DHX35: variants seen among roughly 807,000 people sequenced by gnomAD.
DHX35 encodes probable ATP-dependent RNA helicase DHX35.
A neutral mutation model predicts 99.6 loss-of-function variants in DHX35; 84 were observed. That is an observed-to-expected ratio of 0.84 (90% CI 0.71 to 1.01). The LOEUF (loss-of-function observed/expected upper bound fraction) is 1.01, where lower values mean the gene tolerates loss of function less well. Among genes scored for constraint, DHX35 ranks in the 50% least tolerant of loss-of-function variants. The pLI is 0.00. For synonymous variants in DHX35, 331 were observed against 316.2 expected (o/e 1.05, Z -0.50); for missense variants, 852 against 888.5 (o/e 0.96, Z 0.52).
chr20:39,009,193 C>T (rs2086662487), intron 12 of DHX35, among the ~76,000 whole-genome samples: 1 of 152,154 alleles, frequency 6.6e-6, no homozygotes, highest in Admixed American at 6.5e-5. Flanking sequence ...TAGTAGTGTG[C>T]TTGGAAAATG....
chr20:39,014,802 T>C (rs1395308187), intron 13 of DHX35, 78 bp from the exon 14 acceptor site: 5 of 1,565,270 alleles, frequency 3.2e-6, no homozygotes, highest in Non-Finnish European at 3.5e-6. Context: ...GGAGAATGGA[T>C]TTGAAAAGGA....
chr20:38,992,449 C>T (rs1330423156), intron 7 of DHX35, 24 bp downstream of exon 7: 2 of 1,611,054 alleles, frequency 1.2e-6, no homozygotes, highest in South Asian at 1.1e-5. Flanking sequence ...GCCAGCTTTT[C>T]ATTGTGTGTG....
At chr20:38,971,014 C>A (rs2085987713) in intron 2 of DHX35, among the ~76,000 whole-genome samples, 1 of 152,162 alleles carries the variant, frequency 6.6e-6, no homozygotes, top group Admixed American at 6.5e-5. Context: ...ACCTCTACGC[C>A]ATCCTTTTTC....
chr20:38,969,116 A>C lies in DHX35; in HGVS notation c.76A>C (p.Arg26=). ...GCCAGGTGTAAGCATCTCTGAAGAGAGACAAAGTCTGGCTGAAAACTCTGG... is the reference window on the plus strand; with the variant it reads ...GCCAGGTGTAAGCATCTCTGAAGAGCGACAAAGTCTGGCTGAAAACTCTGG... The part of the protein sequence containing the change: ...EGPGVSISEE[R]QSLAENSGTT... Residue 26 remains arginine (R), a synonymous_variant, in exon 2 of 22, where the codon AGA becomes CGA. Transcript: ENST00000252011. The C allele has an allele frequency of 6.2e-7, 1 of 1,613,632 alleles. No individual in the cohort carries two copies. The highest frequency in any genetic ancestry group is 8.5e-7 in the Non-Finnish European group (1 of 1,179,600).
intron 3 of DHX35, chr20:38,978,117 C>G: frequency 1.3e-6 from 1 of 773,792 alleles, no homozygotes. Context: ...AGCCACACTT[C>G]AACTGTAAGA....
chr20:39,013,627 C>T (rs1414036170), intron 13 of DHX35, among the ~76,000 whole-genome samples: 2 of 152,140 alleles, frequency 1.3e-5, no homozygotes, highest in African/African-American at 4.8e-5. Context: ...ACCTTGTTAG[C>T]TTTTTCTGTA....
chr20:39,038,432 G>C (rs1400590924), intron 21 of DHX35, 67 bp from the exon 22 acceptor site: 2 of 1,535,268 alleles, frequency 1.3e-6, no homozygotes, highest in Admixed American at 3.4e-5. Context: ...TTCATATGGG[G>C]ATTATGTTGC....
intron 20 of DHX35, 93 bp downstream of exon 20, chr20:39,030,868 A>G: frequency 7.0e-7 from 1 of 1,419,996 alleles, no homozygotes; most frequent in South Asian, 1.2e-5. Context: ...TCGCCTCTAG[A>G]ATTGCTGCTC....
intron 3 of DHX35, among the ~76,000 whole-genome samples, chr20:38,976,108 A>G (rs1005807086): frequency 5.3e-5 from 8 of 149,880 alleles, no homozygotes; most frequent in South Asian, 2.1e-4. Flanking sequence ...AGGCTGGGTA[A>G]TGTGGGCAAA....
At chr20:39,000,028 G>C (rs1458731066) in intron 8 of DHX35, among the ~76,000 whole-genome samples, 1 of 152,202 alleles carries the variant, frequency 6.6e-6, no homozygotes, top group African/African-American at 2.4e-5. Flanking sequence ...TTTTGCAGAT[G>C]AGAGAGCTGA....
At chr20:39,032,021 AAGTTT>A (rs1332555976) in intron 20 of DHX35, among the ~76,000 whole-genome samples, 1 of 152,218 alleles carries the variant, frequency 6.6e-6, no homozygotes, top group African/African-American at 2.4e-5. Flanking sequence ...TTCAATGGTT[AAGTTT>A]ATGTTTGTCC....
chr20:38,988,895 A>T lies in DHX35; in HGVS notation c.428A>T (p.Asp143Val). The T allele has an allele frequency of 6.2e-7, 1 of 1,613,424 alleles. No individual in the cohort carries two copies. The highest frequency in any genetic ancestry group is 8.5e-7 in the Non-Finnish European group (1 of 1,179,526). ...GYCIRFDDCT[D>V]QLATRIKFLT... is the part of the protein sequence containing the mutation. The stretch of plus-strand genomic sequence containing the variant: ...TGCATCCGCTTTGATGACTGCACCG[A>T]CCAGCTGGCCACGAGAATTAAGGTA... The change falls in exon 5 of 22, where the codon GAC (aspartate) becomes GTC (valine). Residue 143 changes from aspartate (D) to valine (V), a missense_variant. Transcript: ENST00000252011.
At position 39,006,236 on chromosome 20, in the gene DHX35, T is replaced by C. The variant is rs141857348; in HGVS notation, c.1102T>C (p.Tyr368His). The C allele has an allele frequency of 1.5e-4, 248 of 1,614,046 alleles. No homozygotes were observed. Among genetic ancestry groups the C allele is most frequent in the Non-Finnish European group, 1.8e-4 (217 of 1,180,024 alleles). ...CTGTGGCTTTGTGAAACTCCGAGCC[T>C]ACAATCCCAGGACAGCTATTGAATG... is the stretch of plus-strand genomic sequence containing the variant. ...IDCGFVKLRA[Y>H]NPRTAIECLV... Residue 368 changes from tyrosine (Y) to histidine (H), a missense_variant, in exon 12 of 22, where the codon TAC (tyrosine) becomes CAC (histidine). Tyr to His is a moderately conservative substitution (Grantham distance 83, BLOSUM62 2). Transcript: ENST00000252011.
chr20:39,030,752 C>G lies in DHX35; in HGVS notation c.1932C>G (p.Leu644=). The G allele has an allele frequency of 6.2e-7, 1 of 1,614,174 alleles. No individual in the cohort carries two copies. The highest frequency in any genetic ancestry group is 1.1e-5 in the South Asian group (1 of 91,084). ...TGCACATACACCCTGCGTCAGTCCT[C>G]TATGCAGAGAAGCCGCCTCGCTGGT... ...HELHIHPASV[L]YAEKPPRWVI... Residue 644 remains leucine (L), a synonymous_variant, in exon 20 of 22, where the codon CTC becomes CTG. Transcript: ENST00000252011.
At chr20:38,973,561 T>C (rs772253165) in intron 3 of DHX35, among the ~76,000 whole-genome samples, 8 of 152,364 alleles carry the variant, frequency 5.3e-5, no homozygotes, top group Non-Finnish European at 1.2e-4. Flanking sequence ...GTTTTGCGTA[T>C]ATTTGGAATT....
intron 11 of DHX35, among the ~76,000 whole-genome samples, chr20:39,004,548 A>G (rs2086582495): frequency 1.3e-5 from 2 of 152,242 alleles, no homozygotes; most frequent in South Asian, 4.1e-4. Flanking sequence ...ATTGGTACAC[A>G]TGGTTTCTAA....
rs143299906 is a variant in DHX35, at chr20:39,010,328, G to A, written c.1271G>A (p.Arg424His). The A allele has an allele frequency of 7.4e-6, 12 of 1,614,032 alleles. No homozygotes were observed. Among genetic ancestry groups the A allele is most frequent in the African/African-American group, 2.7e-5 (2 of 74,906 alleles). The change falls in exon 13 of 22, where the codon CGT (arginine) becomes CAT (histidine). Residue 424 changes from arginine to histidine, a missense_variant. Physicochemically the swap from Arg to His is conservative, Grantham distance 29. Transcript: ENST00000252011. The stretch of plus-strand genomic sequence containing the variant: ...CAGTCTACGGTTCCTGAGATGCAGC[G>A]TAGTAATTTGGCACCTGTCATCCTG... ...LPQSTVPEMQ[R>H]SNLAPVILQL...
chr20:39,003,786 A>T lies in DHX35; in HGVS notation c.890A>T (p.Gln297Leu), dbSNP rs1428757728. 1 of 1,614,206 alleles carries T rather than the reference A, an allele frequency of 6.2e-7. No homozygotes were observed. The highest frequency in any genetic ancestry group is 1.7e-5 in the Admixed American group (1 of 60,028). The change falls in exon 11 of 22, where the codon CAG becomes CTG. Residue 297 changes from glutamine (Q) to leucine (L), a missense_variant. By Grantham distance (113) the Gln-to-Leu change is moderately radical. Transcript: ENST00000252011. ...VETVVSMLIE[Q>L]ARALARTGMK... is the part of the protein sequence containing the mutation. ...ACTGTTGTGTCGATGCTCATCGAGC[A>T]GGCTCGAGCACTAGCTCGCACTGGG...
intron 8 of DHX35, among the ~76,000 whole-genome samples, chr20:39,001,277 C>T (rs778152586): frequency 7.9e-5 from 12 of 152,226 alleles, no homozygotes; most frequent in Non-Finnish European, 1.3e-4. Context: ...AACACACCTA[C>T]TGTTCACAGA....
Sources: allele counts gnomAD v4.1 joint callset (sites outside exome capture counted in the v4.1 genomes callset), GRCh38; gene constraint gnomAD v4.1.1; transcripts MANE v1.5; gene names NCBI Gene and HGNC (gene_info 2026-07-23, HGNC 2026-07-21).